Variants in PPP2R5E observed in about 807,000 individuals in gnomAD.
PPP2R5E encodes protein phosphatase 2 regulatory subunit B'epsilon.
In PPP2R5E, 4 loss-of-function variants were observed where a neutral mutation model predicts 65.3. The observed-to-expected ratio is 0.06, with a 90% CI of 0.03 to 0.14. The LOEUF is 0.14. PPP2R5E is among the 10% of genes least tolerant of loss of function. The pLI is 1.00. For synonymous variants in PPP2R5E, 183 were observed against 187.4 expected, an observed-to-expected ratio of 0.98 and a Z score of 0.19; for missense variants, 274 against 556.1, an observed-to-expected ratio of 0.49 and a Z score of 5.10.
chr14:63,392,687 CA>C (rs1438177337), intron 8 of PPP2R5E, among the ~76,000 whole-genome samples: 8 of 152,274 alleles, frequency 5.3e-5, no homozygotes, highest in African/African-American at 1.9e-4. Flanking sequence ...ACCACCCTCG[CA>C]AAAGAACATT....
At chr14:63,463,755 C>T (rs972447735) in intron 2 of PPP2R5E, among the ~76,000 whole-genome samples, 1 of 152,050 alleles carries the variant, frequency 6.6e-6, no homozygotes, top group African/African-American at 2.4e-5. Flanking sequence ...CGCCACCATG[C>T]CCGGCTACTT....
intron 2 of PPP2R5E, among the ~76,000 whole-genome samples, chr14:63,473,480 G>A (rs1379298730): frequency 1.3e-5 from 2 of 152,202 alleles, no homozygotes; most frequent in Non-Finnish European, 2.9e-5. Context: ...GAACCAAGAT[G>A]ATGAAGTGCC....
intron 2 of PPP2R5E, among the ~76,000 whole-genome samples, chr14:63,523,056 C>G (rs1166273901): frequency 1.3e-5 from 2 of 150,126 alleles, no homozygotes; most frequent in South Asian, 4.2e-4. Flanking sequence ...CCCCTCTGCC[C>G]GGCCAGCCGC....
At chr14:63,478,899 G>T (rs1371350839) in intron 2 of PPP2R5E, among the ~76,000 whole-genome samples, 2 of 152,128 alleles carry the variant, frequency 1.3e-5, no homozygotes, top group Non-Finnish European at 2.9e-5. Flanking sequence ...GAGGCAGGCA[G>T]ATCACTTGAG....
chr14:63,537,610 GAA>G lies in PPP2R5E; in HGVS notation c.157+1917_157+1918del, dbSNP rs1187638605. Among the ~76,000 whole-genome samples the G allele has an allele frequency of 9.9e-5, 15 of 152,118 alleles. 1 individual carries two copies. In the East Asian group the frequency reaches 2.9e-3, roughly 29 times the overall value. On this transcript the variant is annotated intron_variant, in intron 2 of 13. Transcript: ENST00000337537. ...CTTTTTTAAAAAAAGTATTCATATG[GAA>G]AAAATAGAAGCTTGAAATATCCTAA... is the stretch of plus-strand genomic sequence containing the variant.
intron 2 of PPP2R5E, among the ~76,000 whole-genome samples, chr14:63,499,552 C>T (rs925549198): frequency 6.6e-6 from 1 of 152,060 alleles, no homozygotes; most frequent in African/African-American, 2.4e-5. Context: ...CGGCAAAACC[C>T]GTCTCTACTA....
At chr14:63,442,836 T>C (rs535084025) in intron 3 of PPP2R5E, among the ~76,000 whole-genome samples, 1 of 152,330 alleles carries the variant, frequency 6.6e-6, no homozygotes, top group South Asian at 2.1e-4. Flanking sequence ...ATCATGGTTA[T>C]ATTCTTTATC....
intron 1 of PPP2R5E, among the ~76,000 whole-genome samples, chr14:63,541,180 T>C (rs1344551842): frequency 1.3e-5 from 2 of 152,214 alleles, no homozygotes; most frequent in African/African-American, 4.8e-5. Context: ...CAGGCTAGAT[T>C]ACTTTAAACA....
At chr14:63,377,075 G>A (rs1485023724) in intron 13 of PPP2R5E, among the ~76,000 whole-genome samples, 1 of 149,982 alleles carries the variant, frequency 6.7e-6, no homozygotes, top group Non-Finnish European at 1.5e-5. Flanking sequence ...GGAGATTGTG[G>A]TGGACGGAGA....
intron 2 of PPP2R5E, among the ~76,000 whole-genome samples, chr14:63,518,153 G>A (rs1054951835): frequency 3.3e-5 from 5 of 152,148 alleles, no homozygotes; most frequent in African/African-American, 1.2e-4. Context: ...ACAGCTCACT[G>A]CAGCCTCGAA....
intron 10 of PPP2R5E, among the ~76,000 whole-genome samples, chr14:63,391,138 C>T (rs926668909): frequency 6.6e-6 from 1 of 152,080 alleles, no homozygotes; most frequent in African/African-American, 2.4e-5. Context: ...GGGGGCCACT[C>T]GGAAGGGAAC....
rs544268606 is a variant in PPP2R5E at position 63,396,727 on chromosome 14, T to C, written c.550-11A>G. 1.2e-6 allele frequency: 2 copies of C among 1,613,034 alleles called. No homozygotes were observed. Among genetic ancestry groups the C allele is most frequent in the African/African-American group, 2.7e-5 (2 of 74,976 alleles). On this transcript the variant is annotated splice_polypyrimidine_tract_variant and intron_variant, in intron 5 of 13. Coordinates refer to ENST00000337537, the MANE Select transcript of PPP2R5E (RefSeq NM_006246.5). ...AAATAGCTCCAGAAGCTGTTGTAAA[T>C]GAAAGACATTATAGCTGTCAAAGGC...
chr14:63,475,100 C>T (rs1218682273), intron 2 of PPP2R5E, among the ~76,000 whole-genome samples: 1 of 152,240 alleles, frequency 6.6e-6, no homozygotes, highest in Non-Finnish European at 1.5e-5. Flanking sequence ...CAGATCAACC[C>T]ACACCTCACC....
intron 3 of PPP2R5E, among the ~76,000 whole-genome samples, chr14:63,440,781 T>TAAAAAAAA (rs1888190731): frequency 1.7e-5 from 1 of 58,666 alleles, no homozygotes; most frequent in African/African-American, 1.8e-4. Context: ...TACTAAAAAA[T>TAAAAAAAA]ACAAAAAAAA....
intron 2 of PPP2R5E, among the ~76,000 whole-genome samples, chr14:63,523,318 G>A (rs1893042876): frequency 1.3e-5 from 2 of 151,976 alleles, no homozygotes; most frequent in Non-Finnish European, 2.9e-5. Flanking sequence ...CCGTGTTTGT[G>A]TAGTAGGAGG....
chr14:63,480,315 A>G (rs999728330), intron 2 of PPP2R5E, among the ~76,000 whole-genome samples: 3 of 152,004 alleles, frequency 2.0e-5, no homozygotes, highest in African/African-American at 7.2e-5. Flanking sequence ...AAAATTAGCC[A>G]GGTGTGTTGG....
chr14:63,467,789 G>A (rs1000155103), intron 2 of PPP2R5E, among the ~76,000 whole-genome samples: 7 of 152,230 alleles, frequency 4.6e-5, no homozygotes, highest in Admixed American at 4.6e-4. Flanking sequence ...CACACACACA[G>A]ACTTTGAAAT....
intron 5 of PPP2R5E, among the ~76,000 whole-genome samples, chr14:63,410,814 G>A (rs1426114724): frequency 1.3e-5 from 2 of 152,184 alleles, no homozygotes; most frequent in African/African-American, 4.8e-5. Context: ...GCTCTCAATG[G>A]TGGTGCTGAT....
At chr14:63,479,576 T>C (rs985134524) in intron 2 of PPP2R5E, among the ~76,000 whole-genome samples, 14 of 152,200 alleles carry the variant, frequency 9.2e-5, no homozygotes, top group African/African-American at 3.1e-4. Context: ...AAAACATAAC[T>C]TAAGTCTTTA....
Sources: gnomAD v4.1 joint callset for allele counts (sites outside exome capture counted in the v4.1 genomes callset) on GRCh38, gnomAD v4.1.1 for gene constraint, MANE v1.5 for transcripts, NCBI Gene and HGNC (gene_info 2026-07-23, HGNC 2026-07-21) for gene names.